MINDY3: variants seen among roughly 807,000 people sequenced by gnomAD.
The protein encoded by MINDY3 is ubiquitin carboxyl-terminal hydrolase MINDY-3.
MINDY3 carries 38 observed loss-of-function variants against 69.2 expected under a neutral mutation model. The ratio of observed to expected loss-of-function variants is 0.55; its 90% confidence interval spans 0.42 to 0.72. The LOEUF is 0.72. Ranked by LOEUF, MINDY3 falls within the 30% of genes least tolerant of loss-of-function variation. The pLI is 0.00. For synonymous variants in MINDY3, 192 were observed against 180.1 expected (o/e 1.07, Z -0.53); for missense variants, 522 against 519.0 (o/e 1.01, Z -0.06).
chr10:15,848,357 G>A (rs116312165), intron 1 of MINDY3, among the ~76,000 whole-genome samples: 2,301 of 151,972 alleles, frequency 0.015, 46 homozygotes, highest in African/African-American at 0.049. Flanking sequence ...GGCATTGGCC[G>A]GGCACAGTGG....
Position 15,833,647 on chromosome 10 carries a change from C to T in MINDY3, c.713G>A (p.Arg238Lys). ...ATACTTACTCATTCCTGAGCACTCTCTATCACCATCCCATACATTAGAAAC... is the reference window on the plus strand; with the variant it reads ...ATACTTACTCATTCCTGAGCACTCTTTATCACCATCCCATACATTAGAAAC... ...HAVSNVWDGDRECSGMKLLGI... is the reference protein window; with the variant it reads ...HAVSNVWDGDKECSGMKLLGI... Residue 238 changes from arginine (R) to lysine (K), a missense_variant, in exon 8 of 15, where the codon AGA becomes AAA. Arg to Lys is a conservative substitution (Grantham distance 26). Coordinates refer to ENST00000277632, the MANE Select transcript of MINDY3 (RefSeq NM_024948.4). 1 of 1,607,538 alleles carries T rather than the reference C, an allele frequency of 6.2e-7. No homozygotes were observed. The highest frequency in any genetic ancestry group is 8.5e-7 in the Non-Finnish European group (1 of 1,174,298).
At position 15,856,970 on chromosome 10, in the gene MINDY3, A is replaced by C. The variant is rs533229862; in HGVS notation, c.94+3236T>G. On this transcript the variant is annotated intron_variant, in intron 1 of 14. Coordinates refer to ENST00000277632, the MANE Select transcript of MINDY3 (RefSeq NM_024948.4). The stretch of plus-strand genomic sequence containing the variant: ...CCAATCCACTACAGTCTATCCTCAA[A>C]CACAGCAGGCAGATCAGTCCTTTAA... Among the ~76,000 whole-genome samples, 5 of 152,160 alleles carry C rather than the reference A, an allele frequency of 3.3e-5. No homozygotes were observed. In the South Asian group the frequency reaches 1.0e-3, roughly 32 times the overall value.
intron 1 of MINDY3, among the ~76,000 whole-genome samples, chr10:15,853,431 T>A (rs748512644): frequency 6.6e-6 from 1 of 152,134 alleles, no homozygotes; most frequent in Non-Finnish European, 1.5e-5. Flanking sequence ...AATACATTGC[T>A]GGTTCCTTAG....
Position 15,833,685 on chromosome 10 carries a change from C to T in MINDY3, c.675G>A (p.Leu225=), listed in dbSNP as rs753037823. The T allele has an allele frequency of 1.1e-5, 17 of 1,610,722 alleles. No homozygotes were observed. The highest frequency in any genetic ancestry group is 1.1e-5 in the Non-Finnish European group (13 of 1,177,326). Residue 225 remains leucine, a synonymous_variant, in exon 8 of 15, where the codon CTG becomes CTA. Coordinates refer to ENST00000277632, the MANE Select transcript of MINDY3 (RefSeq NM_024948.4). ...ATACATTAGAAACAGCATGTCCCGTCAGCAGGAGATTAATTAAACTTTGGC... is the reference window on the plus strand; with the variant it reads ...ATACATTAGAAACAGCATGTCCCGTTAGCAGGAGATTAATTAAACTTTGGC... ...HGSQSLINLL[L]TGHAVSNVWD...
chr10:15,824,149 T>C (rs935182524), intron 8 of MINDY3, among the ~76,000 whole-genome samples: 1 of 152,168 alleles, frequency 6.6e-6, no homozygotes, highest in Non-Finnish European at 1.5e-5. Flanking sequence ...AGATACTGAG[T>C]AGTGGGATTG....
At chr10:15,790,105 TA>T (rs956432820) in intron 11 of MINDY3, among the ~76,000 whole-genome samples, 44 of 150,220 alleles carry the variant, frequency 2.9e-4, no homozygotes, top group African/African-American at 9.5e-4. Flanking sequence ...ATTAGATGAT[TA>T]AAAAAAAAAT....
intron 8 of MINDY3, among the ~76,000 whole-genome samples, chr10:15,832,995 T>C (rs1403789313): frequency 6.6e-6 from 1 of 152,194 alleles, no homozygotes; most frequent in Non-Finnish European, 1.5e-5. Flanking sequence ...GTTAAATGAA[T>C]AAATAAATGA....
chr10:15,799,345 TCCA>T (rs1697419831), intron 10 of MINDY3, among the ~76,000 whole-genome samples: 1 of 151,950 alleles, frequency 6.6e-6, no homozygotes, highest in African/African-American at 2.4e-5. Flanking sequence ...ATTACAGGCA[TCCA>T]CCACCATGCC....
intron 6 of MINDY3, among the ~76,000 whole-genome samples, chr10:15,836,408 CATTT>C (rs1833088187): frequency 6.6e-6 from 1 of 151,992 alleles, no homozygotes; most frequent in Admixed American, 6.6e-5. Context: ...ATTAATGTGC[CATTT>C]TTTTACAATG....
rs1286543119 is a variant in MINDY3 at position 15,778,655 on chromosome 10, C to T, written c.*337G>A. On this transcript the variant is annotated 3_prime_UTR_variant, in exon 15 of 15. Transcript: ENST00000277632. ...GAAATAAAACCCAAAAGTAGTTTAT[C>T]AATAGTAACTGTGATACTTAATATA... The T allele has an allele frequency of 5.9e-6, 1 of 168,378 alleles. No homozygotes were observed. The highest frequency in any genetic ancestry group is 1.3e-5 in the Non-Finnish European group (1 of 79,020). 10.4% of individuals were successfully genotyped at this position (168,378 alleles called of 1,614,324 possible).
chr10:15,855,845 A>G (rs1274722451), intron 1 of MINDY3, among the ~76,000 whole-genome samples: 1 of 152,146 alleles, frequency 6.6e-6, no homozygotes, highest in Non-Finnish European at 1.5e-5. Flanking sequence ...GGTTGTTGCA[A>G]AGATTAGGTA....
intron 10 of MINDY3, among the ~76,000 whole-genome samples, chr10:15,814,677 G>A (rs1277810490): frequency 6.6e-6 from 1 of 152,108 alleles, no homozygotes; most frequent in African/African-American, 2.4e-5. Context: ...CCCTGCCCTA[G>A]ACAAAGTTCA....
At chr10:15,804,841 A>T (rs1009793898) in intron 10 of MINDY3, among the ~76,000 whole-genome samples, 4 of 152,114 alleles carry the variant, frequency 2.6e-5, no homozygotes, top group African/African-American at 9.7e-5. Context: ...CAATACCTGA[A>T]AGCAGGAAGG....
At chr10:15,803,726 A>G (rs1376491122) in intron 10 of MINDY3, among the ~76,000 whole-genome samples, 3 of 151,996 alleles carry the variant, frequency 2.0e-5, no homozygotes, top group Admixed American at 6.6e-5. Context: ...AGAGAAAAAC[A>G]TGCTACTCTA....
intron 10 of MINDY3, among the ~76,000 whole-genome samples, chr10:15,803,713 A>G (rs1318314084): frequency 6.6e-6 from 1 of 152,020 alleles, no homozygotes; most frequent in East Asian, 1.9e-4. Flanking sequence ...AGTCTAATAG[A>G]ACAGAGAAAA....
intron 1 of MINDY3, among the ~76,000 whole-genome samples, chr10:15,848,409 C>T (rs545717998): frequency 4.3e-4 from 66 of 151,810 alleles, no homozygotes; most frequent in African/African-American, 1.3e-3. Flanking sequence ...CAGAGGCGGG[C>T]GGATCACGAG....
At chr10:15,828,134 C>T (rs1840213927) in intron 8 of MINDY3, among the ~76,000 whole-genome samples, 1 of 152,126 alleles carries the variant, frequency 6.6e-6, no homozygotes, top group Non-Finnish European at 1.5e-5. Flanking sequence ...AAAACTTGTA[C>T]ATGAATGTAC....
intron 8 of MINDY3, among the ~76,000 whole-genome samples, chr10:15,826,863 A>C (rs1840116343): frequency 6.6e-6 from 1 of 152,190 alleles, no homozygotes; most frequent in South Asian, 2.1e-4. Context: ...TCCCAAACTC[A>C]TACCATTCAT....
intron 8 of MINDY3, among the ~76,000 whole-genome samples, chr10:15,828,368 G>A (rs1840231409): frequency 6.6e-6 from 1 of 152,148 alleles, no homozygotes; most frequent in South Asian, 2.1e-4. Flanking sequence ...ATCTCAAACA[G>A]GTAAATCTAT....
Sources: allele counts gnomAD v4.1 joint callset (sites outside exome capture counted in the v4.1 genomes callset), GRCh38; gene constraint gnomAD v4.1.1; transcripts MANE v1.5; gene names NCBI Gene and HGNC (gene_info 2026-07-23, HGNC 2026-07-21).